XRCC4: variants seen among roughly 807,000 people sequenced by gnomAD.
XRCC4 encodes X-ray repair cross complementing 4.
Under a neutral mutation model 39.1 loss-of-function variants are expected in XRCC4, and 28 were observed. The ratio of observed to expected loss-of-function variants is 0.72; its 90% CI spans 0.53 to 0.98. The LOEUF is 0.98. Among genes scored for constraint, XRCC4 ranks in the 50% least tolerant of loss-of-function variants. The pLI is 0.00. For synonymous variants in XRCC4, 123 were observed against 126.4 expected (o/e 0.97, Z 0.18); for missense variants, 350 against 376.4 (o/e 0.93, Z 0.58).
chr5:83,352,258 C>G (rs905699449), intron 7 of XRCC4, among the ~76,000 whole-genome samples: 1 of 152,138 alleles, frequency 6.6e-6, no homozygotes, highest in Non-Finnish European at 1.5e-5. Context: ...AGGGGTATTA[C>G]CAAGTATTAC....
chr5:83,095,143 A>G (rs548651361), intron 1 of XRCC4, among the ~76,000 whole-genome samples: 2 of 152,218 alleles, frequency 1.3e-5, no homozygotes, highest in Non-Finnish European at 2.9e-5. Flanking sequence ...CTTAGCAGAC[A>G]CAGCTTGCTT....
intron 3 of XRCC4, among the ~76,000 whole-genome samples, chr5:83,168,997 T>C (rs1029188738): frequency 2.6e-5 from 4 of 152,140 alleles, no homozygotes; most frequent in African/African-American, 9.7e-5. Context: ...AATTGACTCT[T>C]GCAGCAGGGG....
At position 83,353,573 on chromosome 5, in the gene XRCC4, A is replaced by C. The variant is rs1757150116; in HGVS notation, c.*331A>C. The stretch of plus-strand genomic sequence containing the variant: ...GCTGTCCAACATCCTGTCTGGGAAG[A>C]TTTTGAAAACAGGACAAAGAAAACA... On this transcript the variant is annotated 3_prime_UTR_variant, in exon 8 of 8. Coordinates refer to ENST00000396027, the MANE Select transcript of XRCC4 (RefSeq NM_003401.5). 1 of 168,880 alleles carries C rather than the reference A, an allele frequency of 5.9e-6. No individual in the cohort carries two copies. The highest frequency in any genetic ancestry group is 1.3e-5 in the Non-Finnish European group (1 of 79,566). 10.5% of individuals were successfully genotyped at this position (168,880 alleles called of 1,614,324 possible).
rs185609082 is a variant in XRCC4, at chr5:83,131,434, G to T, written c.315+20231G>T. Among the ~76,000 whole-genome samples the T allele has an allele frequency of 7.2e-4, 109 of 152,256 alleles. 2 individuals carry two copies. In the East Asian group the frequency reaches 0.02, roughly 28 times the overall value. On this transcript the variant is annotated intron_variant, in intron 3 of 7. Coordinates refer to ENST00000396027, the MANE Select transcript of XRCC4 (RefSeq NM_003401.5). ...CTGAGTTCAATTCCTGGGTATCTTTGTTAACTTTCTGTCTCATTGATCTGT... is the reference window on the plus strand; with the variant it reads ...CTGAGTTCAATTCCTGGGTATCTTTTTTAACTTTCTGTCTCATTGATCTGT...
chr5:83,208,476 G>T (rs1047414077), intron 6 of XRCC4, among the ~76,000 whole-genome samples: 6 of 152,006 alleles, frequency 3.9e-5, no homozygotes, highest in African/African-American at 1.4e-4. Context: ...CATATATCCA[G>T]AAGTAGAGTA....
At chr5:83,105,144 G>A in intron 2 of XRCC4, 86 bp downstream of exon 2, 2 of 1,317,480 alleles carry the variant, frequency 1.5e-6, no homozygotes, top group Non-Finnish European at 2.1e-6. Context: ...TAGATATTGG[G>A]TAAAACTGAT....
Position 83,353,238 on chromosome 5 carries a change from T to C in XRCC4, c.1001T>C (p.Ile334Thr), listed in dbSNP as rs141304949. 3.1e-4 allele frequency: 489 copies of C among 1,589,912 alleles called. 2 individuals carry two copies. Among genetic ancestry groups the C allele is most frequent in the Middle Eastern group, 1.7e-4 (1 of 5,978 alleles). ...AGCCCAGAAGACCTCTTTGATGAGA[T>C]TTAACAGTCTCAAAAAATACTTTGA... ...NSSPEDLFDE[I>T] The change falls in exon 8 of 8, where the codon ATT becomes ACT. Residue 334 changes from isoleucine to threonine, a missense_variant. Transcript: ENST00000396027.
At chr5:83,147,153 GTGA>G (rs1214736253) in intron 3 of XRCC4, among the ~76,000 whole-genome samples, 2 of 152,130 alleles carry the variant, frequency 1.3e-5, no homozygotes, top group Admixed American at 6.5e-5. Context: ...ATGGGGTGTG[GTGA>G]TGGACACCTG....
At chr5:83,278,394 A>G (rs1395193774) in intron 7 of XRCC4, among the ~76,000 whole-genome samples, 1 of 152,184 alleles carries the variant, frequency 6.6e-6, no homozygotes, top group Non-Finnish European at 1.5e-5. Context: ...GTCCATTTTT[A>G]CTGCAATAAT....
intron 1 of XRCC4, 50 bp from the exon 2 acceptor site, chr5:83,104,860 T>C: frequency 1.3e-6 from 2 of 1,562,886 alleles, no homozygotes; most frequent in South Asian, 2.3e-5. Context: ...GAAAACATTA[T>C]TTGAGTTACA....
intron 3 of XRCC4, among the ~76,000 whole-genome samples, chr5:83,150,898 A>ATC (rs1485161515): frequency 4.6e-5 from 7 of 152,248 alleles, no homozygotes; most frequent in Non-Finnish European, 1.0e-4. Flanking sequence ...TGATAGATAG[A>ATC]TACCTTATTA....
chr5:83,174,768 A>G (rs545662883), intron 3 of XRCC4, among the ~76,000 whole-genome samples: 2 of 152,366 alleles, frequency 1.3e-5, no homozygotes, highest in South Asian at 2.1e-4. Flanking sequence ...ATACAGTAAC[A>G]TAATTTCATT....
chr5:83,239,220 T>G (rs1296775678), intron 6 of XRCC4, among the ~76,000 whole-genome samples: 1 of 152,216 alleles, frequency 6.6e-6, no homozygotes, highest in Non-Finnish European at 1.5e-5. Flanking sequence ...TTTTAGTAGT[T>G]CACTCTCTAG....
In XRCC4 at chr5:83,313,378, G is replaced by A. The variant is rs28360307; in HGVS notation, c.894-39753G>A. ...CACATTTACATCTAACCCATTCTTG[G>A]TAATGAGATTTCAAAAAAATCTCGT... On this transcript the variant is annotated intron_variant, in intron 7 of 7. Coordinates refer to ENST00000396027, the MANE Select transcript of XRCC4 (RefSeq NM_003401.5). Among the ~76,000 whole-genome samples, 725 of 152,062 alleles carry A rather than the reference G, an allele frequency of 4.8e-3. 3 individuals carry two copies. The highest frequency in any genetic ancestry group is 0.015 in the African/African-American group (635 of 41,478).
intron 7 of XRCC4, among the ~76,000 whole-genome samples, chr5:83,337,839 C>T (rs935787580): frequency 6.6e-6 from 1 of 151,612 alleles, no homozygotes; most frequent in Non-Finnish European, 1.5e-5. Context: ...TAAGGACCTT[C>T]TTTCCTGGAG....
At chr5:83,349,499 T>C (rs1349065206) in intron 7 of XRCC4, among the ~76,000 whole-genome samples, 3 of 152,182 alleles carry the variant, frequency 2.0e-5, no homozygotes, top group Non-Finnish European at 2.9e-5. Context: ...CGGGACAACT[T>C]TTACTGAGTA....
chr5:83,244,067 G>A (rs1000468512), intron 6 of XRCC4, among the ~76,000 whole-genome samples: 15 of 150,402 alleles, frequency 1.0e-4, no homozygotes, highest in Middle Eastern at 3.4e-3. Flanking sequence ...TGGAATTGAA[G>A]TGGTGTAACT....
downstream of XRCC4, among the ~76,000 whole-genome samples, chr5:83,354,903 C>G (rs572496490): frequency 2.4e-4 from 37 of 152,290 alleles, no homozygotes; most frequent in Middle Eastern, 3.4e-3. Flanking sequence ...ATTTTCTATT[C>G]TCCTACAATG....
chr5:83,273,597 G>A (rs1052379517), intron 7 of XRCC4, among the ~76,000 whole-genome samples: 1 of 152,088 alleles, frequency 6.6e-6, no homozygotes, highest in Non-Finnish European at 1.5e-5. Flanking sequence ...TTTTGTATAA[G>A]GTGTAAGGAA....
Sources: gnomAD v4.1 joint callset for allele counts (sites outside exome capture counted in the v4.1 genomes callset) on GRCh38, gnomAD v4.1.1 for gene constraint, MANE v1.5 for transcripts, NCBI Gene and HGNC (gene_info 2026-07-23, HGNC 2026-07-21) for gene names.